The following CPPED1 variants were observed in gnomAD, a reference collection of about 807,000 sequenced individuals.
The protein encoded by CPPED1 is calcineurin like phosphoesterase domain containing 1.
In CPPED1, 28 loss-of-function variants were observed where a neutral mutation model predicts 28.0. The observed-to-expected ratio is 1.00, with a 90% CI of 0.74 to 1.37. The LOEUF is 1.37. Among genes scored for constraint, CPPED1 ranks in the 40% most tolerant of loss-of-function variants. The pLI is 0.00. For synonymous variants in CPPED1, 198 were observed against 180.2 expected (o/e 1.10, Z -0.79); for missense variants, 504 against 416.5 (o/e 1.21, Z -1.83).
intron 2 of CPPED1, among the ~76,000 whole-genome samples, chr16:12,770,235 T>C (rs774164825): frequency 1.3e-5 from 2 of 152,146 alleles, no homozygotes; most frequent in Non-Finnish European, 2.9e-5. Context: ...TCAGTGCAAA[T>C]GGCGCTGAGG....
At chr16:12,702,796 C>T (rs542101629) in intron 3 of CPPED1, among the ~76,000 whole-genome samples, 16 of 151,846 alleles carry the variant, frequency 1.1e-4, no homozygotes, top group South Asian at 8.3e-4. Context: ...TCAGAAGTTT[C>T]GAGACCAGCC....
chr16:12,771,322 C>G (rs1324837779), intron 2 of CPPED1, among the ~76,000 whole-genome samples: 1 of 152,192 alleles, frequency 6.6e-6, no homozygotes, highest in Non-Finnish European at 1.5e-5. Context: ...TTCATGTGTT[C>G]CAGAAAACTG....
At chr16:12,738,257 C>T (rs575266666) in intron 2 of CPPED1, among the ~76,000 whole-genome samples, 44 of 151,552 alleles carry the variant, frequency 2.9e-4, no homozygotes, top group African/African-American at 1.0e-3. Flanking sequence ...CACACAAAAC[C>T]GCAAATAATG....
rs1252860802 is a variant in CPPED1 at position 12,664,135 on chromosome 16, C to T, written c.*751G>A. ...TACACAGCCAGAATGTGGATGTGAA[C>T]CAACTCAACGTGCTCCCCAGAGACT... On this transcript the variant is annotated 3_prime_UTR_variant, in exon 4 of 4. Coordinates refer to ENST00000381774, the MANE Select transcript of CPPED1 (RefSeq NM_018340.3). This position sits in a 1 kb window ranked among gnomAD's most constrained non-coding sequence, Gnocchi z 4.2. The T allele has an allele frequency of 2.6e-5, 4 of 153,328 alleles. No individual in the cohort carries two copies. The highest frequency in any genetic ancestry group is 9.6e-5 in the African/African-American group (4 of 41,458). 9.5% of individuals were successfully genotyped at this position (153,328 alleles called of 1,614,324 possible).
At chr16:12,692,232 C>T (rs1010926002) in intron 3 of CPPED1, among the ~76,000 whole-genome samples, 1 of 152,146 alleles carries the variant, frequency 6.6e-6, no homozygotes, top group East Asian at 1.9e-4. Context: ...ACTGGTGGCA[C>T]TTCACAGAGC....
chr16:12,711,839 G>C (rs76948482), intron 2 of CPPED1, among the ~76,000 whole-genome samples: 2,005 of 152,224 alleles, frequency 0.013, 46 homozygotes, highest in African/African-American at 0.045. Context: ...AATTCTGTGA[G>C]ATAAATGAGA....
chr16:12,689,609 G>A (rs1186559563), intron 3 of CPPED1, among the ~76,000 whole-genome samples: 2 of 151,998 alleles, frequency 1.3e-5, no homozygotes, highest in Admixed American at 6.6e-5. Context: ...CCCAAGCTGT[G>A]CAACAAGAGT....
At chr16:12,728,959 C>T (rs77419119) in intron 2 of CPPED1, among the ~76,000 whole-genome samples, 6,465 of 152,212 alleles carry the variant, frequency 0.042, 474 homozygotes, top group African/African-American at 0.15. Flanking sequence ...ATGGGACCCC[C>T]TGTCTGTGAG....
chr16:12,747,759 G>A (rs972204231), intron 2 of CPPED1, among the ~76,000 whole-genome samples: 1 of 152,106 alleles, frequency 6.6e-6, no homozygotes, highest in Non-Finnish European at 1.5e-5. Flanking sequence ...ACTCATTATT[G>A]TGATTGTAGT....
intron 3 of CPPED1, among the ~76,000 whole-genome samples, chr16:12,687,495 C>G (rs1329599190): frequency 2.0e-5 from 3 of 152,036 alleles, no homozygotes; most frequent in East Asian, 3.9e-4. Flanking sequence ...AATGGTTATT[C>G]CTAGGCCAGG....
chr16:12,735,215 C>T (rs2080220467), intron 2 of CPPED1, among the ~76,000 whole-genome samples: 1 of 152,274 alleles, frequency 6.6e-6, no homozygotes, highest in East Asian at 1.9e-4. Flanking sequence ...TTGCCTTTCT[C>T]TTGGGAAAAG....
At chr16:12,688,912 T>C (rs1168990249) in intron 3 of CPPED1, among the ~76,000 whole-genome samples, 1 of 152,222 alleles carries the variant, frequency 6.6e-6, no homozygotes, top group African/African-American at 2.4e-5. Context: ...CACAGTCACA[T>C]GTGGCCTTAC....
chr16:12,700,302 G>C lies in CPPED1; in HGVS notation c.715+4322C>G, dbSNP rs9939691. Among the ~76,000 whole-genome samples the C allele has an allele frequency of 2.3e-3, 351 of 152,306 alleles. 2 individuals carry two copies. The highest frequency in any genetic ancestry group is 8.2e-3 in the African/African-American group (340 of 41,576). ...CAGTGGGAGGGGGTGCTTGGGAAGA[G>C]AAAGACTGCTGAGTGACTTTGGAGA... On this transcript the variant is annotated intron_variant, in intron 3 of 3. Coordinates refer to ENST00000381774, the MANE Select transcript of CPPED1 (RefSeq NM_018340.3).
At chr16:12,786,972 A>C (rs1333981636) in intron 1 of CPPED1, among the ~76,000 whole-genome samples, 1 of 152,244 alleles carries the variant, frequency 6.6e-6, no homozygotes, top group African/African-American at 2.4e-5. Context: ...TTATTACTAC[A>C]TGACTTCATG....
At chr16:12,786,686 C>T (rs562806831) in intron 1 of CPPED1, among the ~76,000 whole-genome samples, 17 of 152,166 alleles carry the variant, frequency 1.1e-4, no homozygotes, top group South Asian at 1.0e-3. Context: ...TTTGGGAGGC[C>T]GAGGCGGGTG....
At chr16:12,690,124 T>C (rs983219806) in intron 3 of CPPED1, among the ~76,000 whole-genome samples, 3 of 152,142 alleles carry the variant, frequency 2.0e-5, no homozygotes, top group African/African-American at 7.2e-5. Flanking sequence ...GCAGCCATAA[T>C]CTTTAGATAA....
intron 3 of CPPED1, among the ~76,000 whole-genome samples, chr16:12,689,290 A>T (rs2079949954): frequency 1.4e-5 from 2 of 143,350 alleles, no homozygotes; most frequent in Non-Finnish European, 3.0e-5. Flanking sequence ...TCAGTGGTGC[A>T]ATCTTGGCTC....
chr16:12,700,449 G>C (rs1210535885), intron 3 of CPPED1, among the ~76,000 whole-genome samples: 1 of 152,212 alleles, frequency 6.6e-6, no homozygotes, highest in Non-Finnish European at 1.5e-5. Context: ...GGAGTGCAGT[G>C]GCATGATCTC....
rs1372761475 is a variant in CPPED1, at chr16:12,682,218, A to G, written c.716-17103T>C. On this transcript the variant is annotated intron_variant, in intron 3 of 3. Transcript: ENST00000381774. The surrounding 1 kb of genome is among the most constrained non-coding windows in gnomAD (Gnocchi z 6.1). Reference sequence around the variant, plus strand: ...CCCAGCTAATTTTTGTGTCTTTAGTAGAGACAGGATTTTACGATGTTGGCC... The same window carrying G: ...CCCAGCTAATTTTTGTGTCTTTAGTGGAGACAGGATTTTACGATGTTGGCC... 6.6e-6 allele frequency among the ~76,000 whole-genome samples: 1 copy of G among 152,022 alleles called. No homozygotes were observed.
Sources: allele counts gnomAD v4.1 joint callset (sites outside exome capture counted in the v4.1 genomes callset), GRCh38; gene constraint gnomAD v4.1.1; non-coding constraint Gnocchi (gnomAD v3.1); transcripts MANE v1.5; gene names NCBI Gene and HGNC (gene_info 2026-07-23, HGNC 2026-07-21).